The following NBEA variants were observed in gnomAD, a reference collection of about 807,000 sequenced individuals.
The protein encoded by NBEA is neurobeachin.
Under a neutral mutation model 343.4 loss-of-function variants are expected in NBEA, and 44 were observed. That is an observed-to-expected ratio of 0.13 (90% CI 0.10 to 0.16). The LOEUF (loss-of-function observed/expected upper bound fraction) is 0.16. Among genes scored for constraint, NBEA ranks in the 10% least tolerant of loss-of-function variants. The pLI is 1.00. For synonymous variants in NBEA, 1,175 were observed against 1,238.7 expected, an observed-to-expected ratio of 0.95 and a Z score of 1.08; for missense variants, 2,555 against 3,631.3, an observed-to-expected ratio of 0.70 and a Z score of 7.62.
intron 1 of NBEA, among the ~76,000 whole-genome samples, chr13:34,948,061 C>A (rs2152481330): frequency 6.6e-6 from 1 of 152,256 alleles, no homozygotes; most frequent in Admixed American, 6.5e-5. Flanking sequence ...ATACGTAATG[C>A]ATTGAAGAGA....
intron 39 of NBEA, among the ~76,000 whole-genome samples, chr13:35,447,066 CAG>C (rs983863593): frequency 3.3e-5 from 5 of 151,960 alleles, no homozygotes; most frequent in Admixed American, 6.6e-5. Context: ...ATTTCTTAAA[CAG>C]AAATAAAATA....
At chr13:35,293,937 T>G (rs2035954427) in intron 35 of NBEA, among the ~76,000 whole-genome samples, 1 of 151,978 alleles carries the variant, frequency 6.6e-6, no homozygotes. Context: ...TAAAAAATTC[T>G]TAGTATTTAA....
At chr13:35,267,203 C>G (rs1272555081) in intron 34 of NBEA, among the ~76,000 whole-genome samples, 5 of 151,896 alleles carry the variant, frequency 3.3e-5, no homozygotes, top group African/African-American at 9.6e-5. Context: ...CAGTTCAAAG[C>G]TGTGTCTTTC....
At chr13:35,019,078 C>T (rs1313065430) in intron 1 of NBEA, among the ~76,000 whole-genome samples, 1 of 150,878 alleles carries the variant, frequency 6.6e-6, no homozygotes, top group African/African-American at 2.4e-5. Flanking sequence ...ATGAGCAAAT[C>T]TTGCACTCCT....
chr13:35,386,227 C>T (rs2152895888), intron 38 of NBEA, among the ~76,000 whole-genome samples: 1 of 152,182 alleles, frequency 6.6e-6, no homozygotes, highest in South Asian at 2.1e-4. Flanking sequence ...AGTGTGGCAA[C>T]AAATACTTAC....
At chr13:35,395,074 G>C (rs1431111255) in intron 38 of NBEA, among the ~76,000 whole-genome samples, 1 of 151,968 alleles carries the variant, frequency 6.6e-6, no homozygotes, top group Non-Finnish European at 1.5e-5. Flanking sequence ...TCTTGTTATT[G>C]ATTTATACTT....
At chr13:35,260,937 G>A (rs533166996) in intron 34 of NBEA, among the ~76,000 whole-genome samples, 75 of 152,238 alleles carry the variant, frequency 4.9e-4, no homozygotes, top group African/African-American at 1.8e-3. Context: ...TGATCTAAAA[G>A]TATCTTCAAA....
rs917616267 is a variant in NBEA at position 35,195,788 on chromosome 13, A to G, written c.4928-76A>G. 3.8e-6 allele frequency: 5 copies of G among 1,299,634 alleles called. No individual in the cohort carries two copies. In the African/African-American group the frequency reaches 6.0e-5, roughly 16 times the overall value. The allele number at this position is 1,299,634 out of a possible 1,614,324, so 80.5% of individuals were successfully genotyped here. The stretch of plus-strand genomic sequence containing the variant: ...CAGGTTTTGTTTTCTTTATTTGAAT[A>G]TATGAAAACATTTGATTAATAATAC... On this transcript the variant is annotated intron_variant, in intron 30 of 58. Transcript: ENST00000379939.
intron 1 of NBEA, among the ~76,000 whole-genome samples, chr13:34,973,724 C>T (rs866654369): frequency 6.6e-6 from 1 of 152,308 alleles, no homozygotes. Context: ...GACACTGTTG[C>T]CCCTGGTTAG....
intron 34 of NBEA, among the ~76,000 whole-genome samples, chr13:35,280,689 C>T (rs2034990788): frequency 6.6e-6 from 1 of 151,988 alleles, no homozygotes; most frequent in Admixed American, 6.6e-5. Flanking sequence ...TGTGTCCTGG[C>T]CTATGGTAAG....
intron 47 of NBEA, among the ~76,000 whole-genome samples, chr13:35,595,142 A>G (rs545187519): frequency 6.6e-6 from 1 of 152,164 alleles, no homozygotes; most frequent in South Asian, 2.1e-4. Context: ...GATGCCCTGT[A>G]CCGGGCTTTT....
At chr13:35,438,338 A>T (rs1361111350) in intron 39 of NBEA, among the ~76,000 whole-genome samples, 2 of 152,210 alleles carry the variant, frequency 1.3e-5, no homozygotes, top group African/African-American at 4.8e-5. Flanking sequence ...TTTTGATGGT[A>T]TATGCATGGC....
chr13:35,068,907 A>G (rs1490425793), intron 8 of NBEA, among the ~76,000 whole-genome samples: 1 of 152,172 alleles, frequency 6.6e-6, no homozygotes. Context: ...CTCTAGTTTG[A>G]GGAAGTCCCC....
Position 35,045,009 on chromosome 13 carries a change from C to T in NBEA, c.589C>T (p.Leu197Phe). The T allele has an allele frequency of 1.2e-6, 2 of 1,611,688 alleles. No homozygotes were observed. Among genetic ancestry groups the T allele is most frequent in the Middle Eastern group, 1.7e-4 (1 of 6,054 alleles). The change falls in exon 3 of 59, where the codon CTT (leucine) becomes TTT (phenylalanine). Residue 197 changes from leucine (L) to phenylalanine (F), a missense_variant. By Grantham distance (22) the Leu-to-Phe change is conservative. Transcript: ENST00000379939. ...CAGCATCACTGTCAAGGAGTTGAAGCTTTTGTTCAGCATGCTTCGAGGAGA... is the reference window on the plus strand; with the variant it reads ...CAGCATCACTGTCAAGGAGTTGAAGTTTTTGTTCAGCATGCTTCGAGGAGA... Reference protein sequence around the residue: ...SYSITVKELKLLFSMLRGESG... With the variant: ...SYSITVKELKFLFSMLRGESG...
rs1390989871 is a variant in NBEA, at chr13:35,664,994, A to G, written c.8363-91A>G. ...AGCTTAATAATAATGCCCTTAATAA[A>G]CATGGGTATTTTTTGAATATTGCAT... On this transcript the variant is annotated intron_variant, in intron 55 of 58. Coordinates refer to ENST00000379939, the MANE Select transcript of NBEA (RefSeq NM_001385012.1). 3 of 846,126 alleles carry G rather than the reference A, an allele frequency of 3.5e-6. No homozygotes were observed. In the African/African-American group the frequency reaches 5.0e-5, roughly 14 times the overall value. The allele number at this position is 846,126 out of a possible 1,614,324, so 52.4% of individuals were successfully genotyped here.
intron 1 of NBEA, among the ~76,000 whole-genome samples, chr13:35,013,546 C>T (rs2061555259): frequency 6.6e-6 from 1 of 151,780 alleles, no homozygotes; most frequent in Admixed American, 6.6e-5. Flanking sequence ...TCTTGGCTCA[C>T]TGCAACCTCT....
chr13:35,459,006 C>CA (rs2046750744), intron 40 of NBEA, among the ~76,000 whole-genome samples: 1 of 86,004 alleles, frequency 1.2e-5, no homozygotes, highest in African/African-American at 8.1e-5. Flanking sequence ...TTTACCACCG[C>CA]CCCCCCCCCC....
At chr13:35,144,646 T>TA (rs1225481862) in intron 18 of NBEA, among the ~76,000 whole-genome samples, 5 of 152,146 alleles carry the variant, frequency 3.3e-5, no homozygotes, top group Non-Finnish European at 7.4e-5. Context: ...GTCCATCTCT[T>TA]ATTCTTATGG....
intron 41 of NBEA, among the ~76,000 whole-genome samples, chr13:35,521,701 C>G (rs1323608271): frequency 6.6e-6 from 1 of 152,198 alleles, no homozygotes; most frequent in African/African-American, 2.4e-5. Context: ...AACTAAAGTT[C>G]CACTTTCAAA....
Sources: allele counts gnomAD v4.1 joint callset (sites outside exome capture counted in the v4.1 genomes callset), GRCh38; gene constraint gnomAD v4.1.1; transcripts MANE v1.5; gene names NCBI Gene and HGNC (gene_info 2026-07-23, HGNC 2026-07-21).